PPP1R17: variants seen among roughly 807,000 people sequenced by gnomAD.
PPP1R17 encodes G-substrate.
PPP1R17 carries 12 observed loss-of-function variants against 15.9 expected under a neutral mutation model. The ratio of observed to expected loss-of-function variants is 0.75; its 90% confidence interval spans 0.48 to 1.22. The LOEUF is 1.22. PPP1R17 is among the 50% of genes most tolerant of loss of function. The pLI is 0.00. For synonymous variants in PPP1R17, 63 were observed against 64.5 expected, an observed-to-expected ratio of 0.98 and a Z score of 0.11; for missense variants, 211 against 187.3, an observed-to-expected ratio of 1.13 and a Z score of -0.74.
intron 4 of PPP1R17, among the ~76,000 whole-genome samples, chr7:31,699,867 G>A (rs940299504): frequency 2.0e-5 from 3 of 151,542 alleles, no homozygotes; most frequent in African/African-American, 4.9e-5. Flanking sequence ...ATTGTTTTGG[G>A]GTGCCACAGA....
chr7:31,706,891 AAAGCAATTGGTT>A lies in PPP1R17; in HGVS notation c.389-311_389-300del, dbSNP rs570932077. Among the ~76,000 whole-genome samples the A allele has an allele frequency of 1.9e-3, 294 of 152,336 alleles. 2 individuals carry two copies. The highest frequency in any genetic ancestry group is 6.8e-3 in the Middle Eastern group (2 of 294). On this transcript the variant is annotated intron_variant, in intron 4 of 4. Coordinates refer to ENST00000342032, the MANE Select transcript of PPP1R17 (RefSeq NM_006658.5). ...AAGTGAGTGGCAGAACTGTGAGTGC[AAAGCAATTGGTT>A]ATTTTCCATCCCGCCATGCTGCAAG...
intron 4 of PPP1R17, among the ~76,000 whole-genome samples, chr7:31,703,824 C>G (rs897182393): frequency 3.9e-5 from 6 of 152,160 alleles, no homozygotes; most frequent in Admixed American, 6.5e-5. Context: ...ACCTTCACTC[C>G]CCTTAGTTAA....
At chr7:31,688,841 C>T (rs1025577142) in intron 1 of PPP1R17, among the ~76,000 whole-genome samples, 5 of 152,272 alleles carry the variant, frequency 3.3e-5, no homozygotes, top group East Asian at 3.9e-4. Context: ...TGTCAAACAA[C>T]CACAACCAGA....
Position 31,692,469 on chromosome 7 carries a change from C to G in PPP1R17, c.28C>G (p.Leu10Val). The G allele has an allele frequency of 6.2e-7, 1 of 1,612,020 alleles. No homozygotes were observed. The highest frequency in any genetic ancestry group is 1.1e-5 in the South Asian group (1 of 91,010). ...GATGTCCACTGAGCAAATGCAGCCA[C>G]TGGAACTCTCAGAAGACAGACTGGA... Reference protein sequence around the residue: MMSTEQMQPLELSEDRLDKL... With the variant: MMSTEQMQPVELSEDRLDKL... The change falls in exon 2 of 5, where the codon CTG becomes GTG. Residue 10 changes from leucine (L) to valine (V), a missense_variant. Leu to Val is a conservative substitution (Grantham distance 32). Coordinates refer to ENST00000342032, the MANE Select transcript of PPP1R17 (RefSeq NM_006658.5).
chr7:31,702,573 C>T (rs529366831), intron 4 of PPP1R17, among the ~76,000 whole-genome samples: 1 of 152,340 alleles, frequency 6.6e-6, no homozygotes, highest in African/African-American at 2.4e-5. Flanking sequence ...TCTTAACTAA[C>T]TCTGTATTAG....
At chr7:31,701,600 A>G (rs1347857442) in intron 4 of PPP1R17, among the ~76,000 whole-genome samples, 1 of 152,222 alleles carries the variant, frequency 6.6e-6, no homozygotes, top group Non-Finnish European at 1.5e-5. Flanking sequence ...TGTGAGTAAA[A>G]TGCTCTCAAG....
chr7:31,689,784 T>A (rs1562692445), intron 1 of PPP1R17, among the ~76,000 whole-genome samples: 1 of 152,208 alleles, frequency 6.6e-6, no homozygotes, highest in African/African-American at 2.4e-5. Flanking sequence ...CGTAATGACA[T>A]CATTCATGAT....
chr7:31,700,972 G>T (rs974541552), intron 4 of PPP1R17, among the ~76,000 whole-genome samples: 2 of 152,124 alleles, frequency 1.3e-5, no homozygotes, highest in African/African-American at 4.8e-5. Context: ...AGCTCTGATG[G>T]AGGCACACAA....
At chr7:31,692,548 G>T (rs1792401894) in intron 2 of PPP1R17, 25 bp downstream of exon 2, 1 of 1,564,410 alleles carries the variant, frequency 6.4e-7, no homozygotes, top group Non-Finnish European at 8.8e-7. Flanking sequence ...GATTGTGAAT[G>T]TCAGTGGTGG....
intron 2 of PPP1R17, among the ~76,000 whole-genome samples, chr7:31,692,879 T>C (rs1014535780): frequency 1.3e-5 from 2 of 152,242 alleles, no homozygotes; most frequent in Admixed American, 6.5e-5. Flanking sequence ...GACACACTTA[T>C]ACCCCATGTG....
At chr7:31,703,823 C>T (rs1041061985) in intron 4 of PPP1R17, among the ~76,000 whole-genome samples, 1 of 152,206 alleles carries the variant, frequency 6.6e-6, no homozygotes, top group African/African-American at 2.4e-5. Context: ...TACCTTCACT[C>T]CCCTTAGTTA....
chr7:31,695,589 C>G lies in PPP1R17; in HGVS notation c.203C>G (p.Thr68Arg). Residue 68 changes from threonine (T) to arginine (R), a missense_variant, in exon 3 of 5, where the codon ACA (threonine) becomes AGA (arginine). Physicochemically the swap from Thr to Arg is moderately conservative, Grantham distance 71 (BLOSUM62 -1). Transcript: ENST00000342032. ...SDQKKPRRKD[T>R]PALHIPPFIP... ...CAAAAAAAACCAAGGAGGAAAGATA[C>G]ACCGGCGCTGCACATCCCACCTTTC... is the stretch of plus-strand genomic sequence containing the variant. 1.9e-6 allele frequency: 3 copies of G among 1,613,690 alleles called. No homozygotes were observed. The East Asian group carries it at 6.7e-5, about 36-fold the overall frequency.
At chr7:31,694,764 C>A (rs935603905) in intron 2 of PPP1R17, among the ~76,000 whole-genome samples, 2 of 151,964 alleles carry the variant, frequency 1.3e-5, no homozygotes, top group South Asian at 2.1e-4. Context: ...ATGGGCAGGG[C>A]GTGATCAGAT....
intron 1 of PPP1R17, among the ~76,000 whole-genome samples, chr7:31,687,538 G>A (rs1177084182): frequency 1.3e-5 from 2 of 152,216 alleles, no homozygotes; most frequent in African/African-American, 4.8e-5. Context: ...CATTTGCAAA[G>A]TTTCAAGATG....
At chr7:31,692,691 TG>T (rs1384995575) in intron 2 of PPP1R17, among the ~76,000 whole-genome samples, 168 bp downstream of exon 2, 1 of 152,178 alleles carries the variant, frequency 6.6e-6, no homozygotes, top group East Asian at 1.9e-4. Context: ...CATGGGTCTG[TG>T]GGGTCTGCCA....
intron 1 of PPP1R17, among the ~76,000 whole-genome samples, chr7:31,687,649 CTACTT>C (rs1355822295): frequency 6.6e-6 from 1 of 152,200 alleles, no homozygotes. Context: ...TCTCCATGCC[CTACTT>C]TAAGTCAGTC....
intron 2 of PPP1R17, among the ~76,000 whole-genome samples, chr7:31,694,476 G>T (rs916745462): frequency 1.3e-5 from 2 of 151,604 alleles, no homozygotes; most frequent in African/African-American, 4.9e-5. Flanking sequence ...TTCTAGAAAT[G>T]AAGGTGCAAG....
chr7:31,707,719 G>C lies in PPP1R17; in HGVS notation c.*436G>C, dbSNP rs969376855. Reference sequence around the variant, plus strand: ...TCCCTGTTGCCAGTTAGAGAGGTGAGAATGTTTGGACTCTAACTCACCGAT... The same window carrying C: ...TCCCTGTTGCCAGTTAGAGAGGTGACAATGTTTGGACTCTAACTCACCGAT... On this transcript the variant is annotated 3_prime_UTR_variant, in exon 5 of 5. Coordinates refer to ENST00000342032, the MANE Select transcript of PPP1R17 (RefSeq NM_006658.5). 6 of 163,612 alleles carry C rather than the reference G, an allele frequency of 3.7e-5. No homozygotes were observed. The highest frequency in any genetic ancestry group is 1.4e-4 in the African/African-American group (6 of 41,632). 10.1% of individuals were successfully genotyped at this position (163,612 alleles called of 1,614,324 possible). A position where few individuals can be genotyped will look rare whatever the true frequency, so the allele number is the denominator to read the frequency against.
At chr7:31,691,824 C>CAAAAAAAAAAA (rs1792364620) in intron 1 of PPP1R17, among the ~76,000 whole-genome samples, 4 of 89,572 alleles carry the variant, frequency 4.5e-5, no homozygotes, top group African/African-American at 1.4e-4. Flanking sequence ...AAAAAAAAAC[C>CAAAAAAAAAAA]AAGCAAAAAA....
Sources: allele counts gnomAD v4.1 joint callset (sites outside exome capture counted in the v4.1 genomes callset), GRCh38; gene constraint gnomAD v4.1.1; transcripts MANE v1.5; gene names NCBI Gene and HGNC (gene_info 2026-07-23, HGNC 2026-07-21).